SDHC: variants seen among roughly 807,000 people sequenced by gnomAD.
SDHC encodes succinate dehydrogenase cytochrome b560 subunit, mitochondrial.
A neutral mutation model predicts 22.6 loss-of-function variants in SDHC; 11 were observed. That is an observed-to-expected ratio of 0.49 (90% CI 0.31 to 0.81). SDHC has a LOEUF of 0.81. Among genes scored for constraint, SDHC ranks in the 30% least tolerant of loss-of-function variants. The pLI, the probability that SDHC is intolerant of heterozygous loss-of-function variation, is 0.05. For synonymous variants in SDHC, 80 were observed against 77.8 expected (o/e 1.03, Z -0.15); for missense variants, 160 against 212.0 (o/e 0.75, Z 1.52).
At chr1:161,337,460 C>T (rs1403942900) in intron 3 of SDHC, among the ~76,000 whole-genome samples, 1 of 152,138 alleles carries the variant, frequency 6.6e-6, no homozygotes, top group Non-Finnish European at 1.5e-5. Context: ...GTAAGTCATG[C>T]AGCATTACTT....
intron 4 of SDHC, among the ~76,000 whole-genome samples, chr1:161,343,727 A>G (rs1197387117): frequency 6.6e-6 from 1 of 152,160 alleles, no homozygotes. Context: ...GGTGATATTG[A>G]TGAACAGATT....
chr1:161,344,132 C>G (rs60982690), intron 4 of SDHC, among the ~76,000 whole-genome samples: 2 of 150,094 alleles, frequency 1.3e-5, no homozygotes, highest in Non-Finnish European at 3.0e-5. Context: ...TAAAAAAATA[C>G]AAAAAAAAAT....
chr1:161,339,094 C>T (rs1045157854), intron 3 of SDHC, among the ~76,000 whole-genome samples: 4 of 152,250 alleles, frequency 2.6e-5, no homozygotes, highest in South Asian at 2.1e-4. Flanking sequence ...ATGATCCACC[C>T]GCCTCAGCCT....
intron 3 of SDHC, among the ~76,000 whole-genome samples, chr1:161,335,531 T>C (rs1430071988): frequency 6.6e-6 from 1 of 152,180 alleles, no homozygotes; most frequent in Non-Finnish European, 1.5e-5. Flanking sequence ...CTTGCTTTTT[T>C]TATCAGTATG....
chr1:161,354,663 T>TTGTGTGTGTG (rs60151629), intron 4 of SDHC, among the ~76,000 whole-genome samples: 50 of 116,628 alleles, frequency 4.3e-4, no homozygotes, highest in East Asian at 2.3e-3. Flanking sequence ...TCTTATTTCT[T>TTGTGTGTGTG]TGTGTGTGTG....
intron 4 of SDHC, 40 bp downstream of exon 4, chr1:161,340,695 T>C: frequency 6.4e-7 from 1 of 1,566,390 alleles, no homozygotes; most frequent in Non-Finnish European, 8.8e-7. Context: ...TGTGCTTCTT[T>C]GAAAAACTTG....
In SDHC at chr1:161,323,694, A is replaced by ATT. The variant is rs374646585; in HGVS notation, c.77+26_77+27dup. ...AAGTAAGTTTCTAAGTCTGGAGATT[A>ATT]TTTATTTATTTTTTTTTTTGAGACG... is the stretch of plus-strand genomic sequence containing the variant. On this transcript the variant is annotated intron_variant, in intron 2 of 5. Transcript: ENST00000367975. 4 of 1,542,884 alleles carry ATT rather than the reference A, an allele frequency of 2.6e-6. 1 individual carries two copies. Among genetic ancestry groups the ATT allele is most frequent in the South Asian group, 1.2e-5 (1 of 85,876 alleles).
At chr1:161,354,630 T>A (rs1157628388) in intron 4 of SDHC, among the ~76,000 whole-genome samples, 1 of 151,206 alleles carries the variant, frequency 6.6e-6, no homozygotes, top group Non-Finnish European at 1.5e-5. Context: ...TTTTTTTTTT[T>A]AATTCCCATT....
In SDHC at chr1:161,355,948, G is replaced by A. The variant is rs537619540; in HGVS notation, c.242-729G>A. 2.5e-4 allele frequency among the ~76,000 whole-genome samples: 36 copies of A among 143,580 alleles called. 1 individual carries two copies. The highest frequency in any genetic ancestry group is 8.4e-4 in the African/African-American group (32 of 38,194). The allele number at this position is 143,580 out of a possible 152,430, so 94.2% of individuals were successfully genotyped here. ...GCAGTGAGCTGAGATCACGCTTACT[G>A]CACTCTAGCCTGGGCAACAGAGCGA... is the stretch of plus-strand genomic sequence containing the variant. On this transcript the variant is annotated intron_variant, in intron 4 of 5. Transcript: ENST00000367975.
intron 4 of SDHC, among the ~76,000 whole-genome samples, chr1:161,344,010 G>A (rs2102343045): frequency 6.6e-6 from 1 of 151,974 alleles, no homozygotes; most frequent in East Asian, 1.9e-4. Flanking sequence ...CCAGGAATTC[G>A]AGACCATCCT....
chr1:161,347,480 C>T lies in SDHC; in HGVS notation c.241+6825C>T, dbSNP rs1370484105. Among the ~76,000 whole-genome samples, 3 of 151,638 alleles carry T rather than the reference C, an allele frequency of 2.0e-5. No homozygotes were observed. In the South Asian group the frequency reaches 6.3e-4, roughly 32 times the overall value. On this transcript the variant is annotated intron_variant, in intron 4 of 5. Coordinates refer to ENST00000367975, the MANE Select transcript of SDHC (RefSeq NM_003001.5). ...ACATCTTGGCCAGGCTGGTCTTGAACTCCTGACCTCGTGATCCACCTACCT... is the reference window on the plus strand; with the variant it reads ...ACATCTTGGCCAGGCTGGTCTTGAATTCCTGACCTCGTGATCCACCTACCT...
chr1:161,359,513 G>A (rs1571894643), intron 5 of SDHC, among the ~76,000 whole-genome samples: 1 of 152,168 alleles, frequency 6.6e-6, no homozygotes, highest in East Asian at 1.9e-4. Flanking sequence ...CAGCTGATCA[G>A]CTTCCTCTGT....
chr1:161,362,443 G>C lies in SDHC; in HGVS notation c.*10G>C. Reference sequence around the variant, plus strand: ...GCTGGCAGCCATGTGAAGAAAGGAGGCTCCCAGCATCATCTTCCTACACAT... The same window carrying C: ...GCTGGCAGCCATGTGAAGAAAGGAGCCTCCCAGCATCATCTTCCTACACAT... On this transcript the variant is annotated 3_prime_UTR_variant, in exon 6 of 6. Transcript: ENST00000367975. 2 of 1,612,944 alleles carry C rather than the reference G, an allele frequency of 1.2e-6. No homozygotes were observed. Among genetic ancestry groups the C allele is most frequent in the African/African-American group, 2.7e-5 (2 of 74,948 alleles).
At chr1:161,326,694 G>A (rs1017338506) in intron 2 of SDHC, 2 of 148,352 alleles carry the variant, frequency 1.3e-5, no homozygotes, top group African/African-American at 5.0e-5. Flanking sequence ...GGCGTGATCT[G>A]GGCTCACTGC....
chr1:161,332,299 C>T (rs1558169445), intron 3 of SDHC, among the ~76,000 whole-genome samples: 1 of 152,122 alleles, frequency 6.6e-6, no homozygotes, highest in Non-Finnish European at 1.5e-5. Context: ...CAGCTCTTCC[C>T]TCAGTCTGTT....
At chr1:161,328,532 G>A (rs755722869) in intron 3 of SDHC, 35 bp downstream of exon 3, 13 of 1,453,818 alleles carry the variant, frequency 8.9e-6, no homozygotes, top group Non-Finnish European at 1.3e-5. Flanking sequence ...GAATCTAGAG[G>A]TAGTGGGTGA....
chr1:161,319,136 G>A (rs1321118571), intron 1 of SDHC, among the ~76,000 whole-genome samples: 2 of 152,056 alleles, frequency 1.3e-5, no homozygotes, highest in Non-Finnish European at 2.9e-5. Flanking sequence ...CAGGAGAATC[G>A]CTTGAACTCG....
intron 3 of SDHC, among the ~76,000 whole-genome samples, chr1:161,338,781 G>T (rs377497882): frequency 1.3e-5 from 2 of 152,150 alleles, no homozygotes; most frequent in Admixed American, 6.5e-5. Context: ...TGAAACTCAG[G>T]TTTTCTTCCA....
chr1:161,348,494 A>G (rs542587898), intron 4 of SDHC, among the ~76,000 whole-genome samples: 15 of 151,764 alleles, frequency 9.9e-5, no homozygotes, highest in African/African-American at 3.4e-4. Flanking sequence ...GGAGACTAAT[A>G]GCACTCTTAT....
Sources: gnomAD v4.1 joint callset for allele counts (sites outside exome capture counted in the v4.1 genomes callset) on GRCh38, gnomAD v4.1.1 for gene constraint, MANE v1.5 for transcripts, NCBI Gene and HGNC (gene_info 2026-07-23, HGNC 2026-07-21) for gene names.